Variants in ATG2B observed in about 807,000 individuals in gnomAD.
ATG2B encodes the protein autophagy-related protein 2 homolog B.
In ATG2B, 121 loss-of-function variants were observed where a neutral mutation model predicts 241.3. The observed-to-expected ratio is 0.50, with a 90% CI of 0.43 to 0.58. The LOEUF (loss-of-function observed/expected upper bound fraction) is 0.58, where lower values mean the gene tolerates loss of function less well. Among genes scored for constraint, ATG2B ranks in the 20% least tolerant of loss-of-function variants. The pLI is 0.00. For synonymous variants in ATG2B, 858 were observed against 876.6 expected (o/e 0.98, Z 0.37); for missense variants, 2,306 against 2,491.6 (o/e 0.93, Z 1.59).
chr14:96,331,336 G>A (rs369014693), intron 11 of ATG2B, 40 bp downstream of exon 11: 1 of 1,549,528 alleles, frequency 6.5e-7, no homozygotes, highest in Non-Finnish European at 8.7e-7. Context: ...TAGCATATGT[G>A]GAAGTTTAAA....
intron 38 of ATG2B, among the ~76,000 whole-genome samples, chr14:96,291,142 T>A (rs1366413081): frequency 1.3e-5 from 2 of 152,160 alleles, no homozygotes; most frequent in Non-Finnish European, 2.9e-5. Flanking sequence ...TAAATATACA[T>A]ATACATACAT....
At chr14:96,347,374 C>A (rs2139899961) in intron 1 of ATG2B, 33 bp from the exon 2 acceptor site, 2 of 1,495,878 alleles carry the variant, frequency 1.3e-6, no homozygotes, top group African/African-American at 1.4e-5. Context: ...TTATGAATCA[C>A]AAGAACAAGA....
intron 6 of ATG2B, among the ~76,000 whole-genome samples, chr14:96,335,263 T>A (rs17094034): frequency 6.6e-6 from 1 of 152,012 alleles, no homozygotes; most frequent in South Asian, 2.1e-4. Context: ...ATTATTTTTA[T>A]GTCATTTTGC....
In ATG2B at chr14:96,317,694, T is replaced by C. The variant is rs902288768; in HGVS notation, c.3037+4A>G. On this transcript the variant is annotated splice_donor_region_variant and intron_variant, in intron 19 of 41. Coordinates refer to ENST00000359933, the MANE Select transcript of ATG2B (RefSeq NM_018036.7). ...TAAATCAAAACAAATTAAAAATATA[T>C]TACCATAGTGAACTGCAGATTTAAA... 1.8e-5 allele frequency: 28 copies of C among 1,586,408 alleles called. No homozygotes were observed. The highest frequency in any genetic ancestry group is 3.3e-4 in the Middle Eastern group (2 of 6,002).
chr14:96,322,978 G>A (rs1160529947), intron 16 of ATG2B, among the ~76,000 whole-genome samples: 1 of 151,964 alleles, frequency 6.6e-6, no homozygotes, highest in Non-Finnish European at 1.5e-5. Context: ...AACTGAAGGG[G>A]GCAAAAAGGT....
chr14:96,313,245 C>T, intron 24 of ATG2B, 84 bp downstream of exon 24: 1 of 1,351,720 alleles, frequency 7.4e-7, no homozygotes, highest in Non-Finnish European at 1.0e-6. Flanking sequence ...CAATTTGAAC[C>T]TTAACTCTAC....
At position 96,328,351 on chromosome 14, in the gene ATG2B, C is replaced by T; in HGVS notation, c.2159G>A (p.Ser720Asn). Residue 720 changes from serine (S) to asparagine (N), a missense_variant, in exon 14 of 42, where the codon AGT becomes AAT. This residue lies in a region of ATG2B where 1,927 missense variants were observed against 2,011.2 expected (regional missense o/e 0.96). Transcript: ENST00000359933. ...HMYTSYNKHISLHKAFTEVFL... is the reference protein window; with the variant it reads ...HMYTSYNKHINLHKAFTEVFL... The stretch of plus-strand genomic sequence containing the variant: ...TTGCAGCTTTTGAATACTTACCAGA[C>T]TAATATGTTTATTATATGAAGTATA... 6.2e-7 allele frequency: 1 copy of T among 1,601,496 alleles called. No homozygotes were observed. The highest frequency in any genetic ancestry group is 1.3e-5 in the African/African-American group (1 of 74,560).
rs1595318289 is a variant in ATG2B, at chr14:96,332,390, C to A, written c.1383G>T (p.Glu461Asp). 6.2e-7 allele frequency: 1 copy of A among 1,613,838 alleles called. No homozygotes were observed. The highest frequency in any genetic ancestry group is 8.5e-7 in the Non-Finnish European group (1 of 1,179,772). The stretch of plus-strand genomic sequence containing the variant: ...GCTGTTCTTTATGATGATCAAGGAA[C>A]TCTCCCCAAGTGGGCTGAAGCTATA... ...SATVLQPTWG[E>D]FLDHHKEQPV... The change falls in exon 10 of 42, where the codon GAG becomes GAT. Residue 461 changes from glutamate (E) to aspartate (D), a missense_variant. Glu to Asp is a conservative substitution (Grantham distance 45). Coordinates refer to ENST00000359933, the MANE Select transcript of ATG2B (RefSeq NM_018036.7).
intron 29 of ATG2B, among the ~76,000 whole-genome samples, chr14:96,308,266 ATATATATATATATATATTTTT>A: frequency 6.4e-5 from 1 of 15,550 alleles, no homozygotes; most frequent in African/African-American, 2.6e-4. Context: ...ACATATATAT[ATATATATATATATATATTTTT>A]TTTTTTTTTT....
Position 96,315,591 on chromosome 14 carries a change from T to G in ATG2B, c.3362-8A>C. The G allele has an allele frequency of 6.2e-7, 1 of 1,606,906 alleles. No individual in the cohort carries two copies. The highest frequency in any genetic ancestry group is 1.3e-5 in the African/African-American group (1 of 74,794). ...TCACTCCATTCACTATGCCTAGAGA[T>G]CCACATTGAGGTAAAAATAGTAACA... is the stretch of plus-strand genomic sequence containing the variant. On this transcript the variant is annotated splice_polypyrimidine_tract_variant and splice_region_variant and intron_variant, in intron 21 of 41. Coordinates refer to ENST00000359933, the MANE Select transcript of ATG2B (RefSeq NM_018036.7).
In ATG2B at chr14:96,363,217, G is replaced by T; in HGVS notation, c.-241C>A. ...CCCCAGGCCAGGGGACTTCCGAGGA[G>T]GGTCCCAACCGGCTCGGAGAGAGTG... On this transcript the variant is annotated 5_prime_UTR_variant, in exon 1 of 42. Coordinates refer to ENST00000359933, the MANE Select transcript of ATG2B (RefSeq NM_018036.7). The T allele has an allele frequency of 2.0e-6, 1 of 510,830 alleles. No homozygotes were observed. Among genetic ancestry groups the T allele is most frequent in the South Asian group, 2.3e-5 (1 of 43,524 alleles). 31.6% of individuals were successfully genotyped at this position (510,830 alleles called of 1,614,324 possible). A position where few individuals can be genotyped will look rare whatever the true frequency, so the allele number is the denominator to read the frequency against.
rs371850612 is a variant in ATG2B at position 96,332,541 on chromosome 14, T to C, written c.1322A>G (p.Tyr441Cys). Residue 441 changes from tyrosine (Y) to cysteine (C), a missense_variant, in exon 9 of 42, where the codon TAT becomes TGT. Tyr to Cys is a radical substitution (Grantham distance 194, BLOSUM62 -2). Coordinates refer to ENST00000359933, the MANE Select transcript of ATG2B (RefSeq NM_018036.7). ...MDLELSLTST[Y>C]TNTPAGSPLS... ...TGGAGATCCTGCTGGGGTATTTGTA[T>C]ATGTACTAGTTAATGATAACTCAAG... is the stretch of plus-strand genomic sequence containing the variant. 18 of 1,610,974 alleles carry C rather than the reference T, an allele frequency of 1.1e-5. No individual in the cohort carries two copies. The highest frequency in any genetic ancestry group is 2.2e-5 in the East Asian group (1 of 44,860).
chr14:96,338,178 G>A (rs1461805010), intron 6 of ATG2B, among the ~76,000 whole-genome samples: 1 of 152,070 alleles, frequency 6.6e-6, no homozygotes, highest in Non-Finnish European at 1.5e-5. Flanking sequence ...AGATCTAGGA[G>A]CCTTTTTGAT....
In ATG2B at chr14:96,285,460, G is replaced by A. The variant is rs549268233; in HGVS notation, c.*295C>T. ...AGGCAGCTTCCAATGATCTCTCGTC[G>A]GTAACAAGGAGAATTACAGTCATCT... On this transcript the variant is annotated 3_prime_UTR_variant, in exon 42 of 42. Transcript: ENST00000359933. The surrounding 1 kb of genome is among the most constrained non-coding windows in gnomAD (Gnocchi z 4.2). 1.0e-4 allele frequency: 37 copies of A among 360,064 alleles called. No homozygotes were observed. The East Asian group carries it at 1.9e-3, about 18-fold the overall frequency. 22.3% of individuals were successfully genotyped at this position (360,064 alleles called of 1,614,324 possible).
intron 6 of ATG2B, among the ~76,000 whole-genome samples, chr14:96,340,186 T>C (rs1304316176): frequency 7.9e-6 from 1 of 126,994 alleles, no homozygotes; most frequent in South Asian, 2.3e-4. Flanking sequence ...CACACACACG[T>C]ATATATATTC....
intron 6 of ATG2B, among the ~76,000 whole-genome samples, chr14:96,340,098 TA>T (rs1887976172): frequency 7.6e-6 from 1 of 131,208 alleles, no homozygotes; most frequent in Admixed American, 8.5e-5. Context: ...ATATATGCTA[TA>T]TAGAATATAT....
intron 14 of ATG2B, among the ~76,000 whole-genome samples, chr14:96,327,017 T>C (rs915906140): frequency 2.5e-4 from 38 of 152,156 alleles, no homozygotes; most frequent in African/African-American, 8.2e-4. Flanking sequence ...GAAACTAAAA[T>C]AACTAGCAAT....
At position 96,306,766 on chromosome 14, in the gene ATG2B, G is replaced by C; in HGVS notation, c.4454C>G (p.Pro1485Arg). 6.2e-7 allele frequency: 1 copy of C among 1,613,896 alleles called. No individual in the cohort carries two copies. Among genetic ancestry groups the C allele is most frequent in the Non-Finnish European group, 8.5e-7 (1 of 1,179,976 alleles). Residue 1485 changes from proline to arginine, a missense_variant, in exon 30 of 42, where the codon CCC becomes CGC. Pro to Arg is a moderately radical substitution (Grantham distance 103). This residue lies in a region of ATG2B where 1,927 missense variants were observed against 2,011.2 expected (regional missense o/e 0.96). Transcript: ENST00000359933. ...AATGCAAAAGTCATCATTCTCAGTG[G>C]GCACACCTGTCATTGCATCACTGAT... ...HFISDAMTGV[P>R]TENDDFCILF... is the part of the protein sequence containing the mutation.
intron 41 of ATG2B, among the ~76,000 whole-genome samples, chr14:96,287,069 C>A (rs978028037): frequency 6.6e-6 from 1 of 151,860 alleles, no homozygotes; most frequent in Non-Finnish European, 1.5e-5. Context: ...TCCTGGCTAA[C>A]ACAGTGAAAC....
Sources: allele counts gnomAD v4.1 joint callset (sites outside exome capture counted in the v4.1 genomes callset), GRCh38; gene constraint gnomAD v4.1.1; regional missense constraint gnomAD v4.1.1; non-coding constraint Gnocchi (gnomAD v3.1); transcripts MANE v1.5; gene names NCBI Gene and HGNC (gene_info 2026-07-23, HGNC 2026-07-21).